Variants in SLC16A10 observed in about 807,000 individuals in gnomAD.
SLC16A10 encodes solute carrier family 16 member 10, also known as monocarboxylate transporter 10.
Under a neutral mutation model 40.0 loss-of-function variants are expected in SLC16A10, and 27 were observed. That is an observed-to-expected ratio of 0.67 (90% CI 0.50 to 0.93). SLC16A10 has a LOEUF of 0.93. Among genes scored for constraint, SLC16A10 ranks in the 40% least tolerant of loss-of-function variants. The pLI, the probability that SLC16A10 is intolerant of heterozygous loss-of-function variation, is 0.00. For missense variants in SLC16A10, 529 were observed against 658.2 expected, an observed-to-expected ratio of 0.80 and a Z score of 2.15; for synonymous variants, 213 against 249.8, an observed-to-expected ratio of 0.85 and a Z score of 1.39.
At chr6:111,108,046 G>T (rs1285726958) in intron 1 of SLC16A10, among the ~76,000 whole-genome samples, 2 of 150,390 alleles carry the variant, frequency 1.3e-5, no homozygotes, top group Non-Finnish European at 3.0e-5. Flanking sequence ...TTTAGTTGGA[G>T]TCTTACTTTG....
intron 4 of SLC16A10, among the ~76,000 whole-genome samples, chr6:111,208,761 G>A (rs1311737544): frequency 6.6e-6 from 1 of 152,190 alleles, no homozygotes; most frequent in African/African-American, 2.4e-5. Context: ...GTAGGGGCTA[G>A]GGAAAGGAGG....
intron 1 of SLC16A10, among the ~76,000 whole-genome samples, chr6:111,163,816 T>A (rs1432502456): frequency 6.6e-6 from 1 of 152,178 alleles, no homozygotes; most frequent in African/African-American, 2.4e-5. Flanking sequence ...GACTCAAAAA[T>A]TTTTAAAAAG....
At chr6:111,182,921 T>G (rs566156789) in intron 3 of SLC16A10, among the ~76,000 whole-genome samples, 7 of 152,290 alleles carry the variant, frequency 4.6e-5, no homozygotes, top group Admixed American at 2.6e-4. Flanking sequence ...TACTCATACC[T>G]TAGCCCAGGC....
chr6:111,198,366 T>G (rs1773113812), intron 3 of SLC16A10, among the ~76,000 whole-genome samples: 1 of 152,252 alleles, frequency 6.6e-6, no homozygotes, highest in African/African-American at 2.4e-5. Context: ...TTGTTCACTT[T>G]GGACTATTTT....
intron 1 of SLC16A10, among the ~76,000 whole-genome samples, chr6:111,100,156 CTATT>C (rs1184808312): frequency 6.6e-6 from 1 of 151,834 alleles, no homozygotes; most frequent in Non-Finnish European, 1.5e-5. Context: ...TTAGATTAGT[CTATT>C]TATGGGTCAC....
intron 1 of SLC16A10, among the ~76,000 whole-genome samples, chr6:111,151,858 C>A (rs748395970): frequency 3.1e-4 from 47 of 152,302 alleles, no homozygotes; most frequent in African/African-American, 1.1e-3. Context: ...TTGGGTGTTA[C>A]CCTGAGGAAA....
Position 111,147,768 on chromosome 6 carries a change from C to T in SLC16A10, c.344-24927C>T, listed in dbSNP as rs143854036. On this transcript the variant is annotated intron_variant, in intron 1 of 5. Coordinates refer to ENST00000368851, the MANE Select transcript of SLC16A10 (RefSeq NM_018593.5). ...AACTTTATGGCAGTTAGGTGAAATC[C>T]CTTTTTGTTTTGTGGACATAGAACA... is the stretch of plus-strand genomic sequence containing the variant. 9.7e-4 allele frequency among the ~76,000 whole-genome samples: 148 copies of T among 152,234 alleles called. No homozygotes were observed. The East Asian group carries it at 0.023, about 24-fold the overall frequency.
At chr6:111,215,795 G>A (rs1481027514) in intron 4 of SLC16A10, among the ~76,000 whole-genome samples, 7 of 152,140 alleles carry the variant, frequency 4.6e-5, no homozygotes, top group Non-Finnish European at 7.3e-5. Flanking sequence ...GTTTGAGCCC[G>A]GGAGTTCAAG....
chr6:111,102,205 G>A (rs1771203611), intron 1 of SLC16A10, among the ~76,000 whole-genome samples: 1 of 152,146 alleles, frequency 6.6e-6, no homozygotes, highest in Admixed American at 6.5e-5. Context: ...CCAGAAGTGA[G>A]ATTACTGGTT....
chr6:111,208,071 CA>C (rs1247995925), intron 4 of SLC16A10, among the ~76,000 whole-genome samples: 2 of 152,078 alleles, frequency 1.3e-5, no homozygotes, highest in African/African-American at 4.8e-5. Flanking sequence ...CGGGCTCAAG[CA>C]ATCCTCCCAC....
At chr6:111,173,039 T>C (rs1344518332) in intron 2 of SLC16A10, among the ~76,000 whole-genome samples, 200 bp downstream of exon 2, 3 of 152,210 alleles carry the variant, frequency 2.0e-5, no homozygotes, top group African/African-American at 7.2e-5. Flanking sequence ...TTTCTTGTAA[T>C]GCCTAAGACT....
chr6:111,199,010 A>G (rs1773122926), intron 3 of SLC16A10, among the ~76,000 whole-genome samples: 1 of 152,220 alleles, frequency 6.6e-6, no homozygotes, highest in Non-Finnish European at 1.5e-5. Context: ...TCATGCAGGT[A>G]GGCTGCCAAC....
chr6:111,098,298 C>T (rs1418348920), intron 1 of SLC16A10, among the ~76,000 whole-genome samples: 1 of 151,950 alleles, frequency 6.6e-6, no homozygotes, highest in Non-Finnish European at 1.5e-5. Context: ...AAGAGTGAAA[C>T]TCAGTCTCAA....
intron 4 of SLC16A10, among the ~76,000 whole-genome samples, chr6:111,216,877 C>A (rs1773434788): frequency 6.6e-6 from 1 of 152,140 alleles, no homozygotes; most frequent in Non-Finnish European, 1.5e-5. Flanking sequence ...TGTCAGTGGA[C>A]CACTTGTGTT....
chr6:111,135,279 T>C (rs1771857140), intron 1 of SLC16A10, among the ~76,000 whole-genome samples: 1 of 152,158 alleles, frequency 6.6e-6, no homozygotes, highest in Non-Finnish European at 1.5e-5. Context: ...TAAAGGATTC[T>C]GCCTCCTTTC....
Position 111,223,320 on chromosome 6 carries a change from A to C in SLC16A10, c.*1085A>C, listed in dbSNP as rs1399131203. 3 of 152,010 alleles carry C rather than the reference A, an allele frequency of 2.0e-5. No homozygotes were observed. Among genetic ancestry groups the C allele is most frequent in the Admixed American group, 2.0e-4 (3 of 15,258 alleles). 9.4% of individuals were successfully genotyped at this position (152,010 alleles called of 1,614,324 possible). A position where few individuals can be genotyped will look rare whatever the true frequency, so the allele number is the denominator to read the frequency against. On this transcript the variant is annotated 3_prime_UTR_variant, in exon 6 of 6. Transcript: ENST00000368851. ...TCTGGCAAAAATTTGCACTCATATTATTTATCCTATGAACATTCCCATTGT... is the reference window on the plus strand; with the variant it reads ...TCTGGCAAAAATTTGCACTCATATTCTTTATCCTATGAACATTCCCATTGT...
chr6:111,198,469 TAG>T (rs1773115547), intron 3 of SLC16A10, among the ~76,000 whole-genome samples: 1 of 152,164 alleles, frequency 6.6e-6, no homozygotes, highest in Non-Finnish European at 1.5e-5. Context: ...GCAAACATCA[TAG>T]AGTGTACTTA....
rs573922116 is a variant in SLC16A10 at position 111,127,164 on chromosome 6, G to A, written c.343+39069G>A. Reference sequence around the variant, plus strand: ...ACCTGGTAGGGTGCTTACTCTGATGGAATTTACATTTTAGTGGTAGAAATG... The same window carrying A: ...ACCTGGTAGGGTGCTTACTCTGATGAAATTTACATTTTAGTGGTAGAAATG... On this transcript the variant is annotated intron_variant, in intron 1 of 5. Transcript: ENST00000368851. Among the ~76,000 whole-genome samples the A allele has an allele frequency of 1.4e-4, 22 of 152,304 alleles. No individual in the cohort carries two copies. In the South Asian group the frequency reaches 4.4e-3, roughly 30 times the overall value.
intron 1 of SLC16A10, among the ~76,000 whole-genome samples, chr6:111,098,661 TTAATAAAA>T (rs1417478105): frequency 6.6e-6 from 1 of 152,258 alleles, no homozygotes; most frequent in East Asian, 1.9e-4. Flanking sequence ...ACTGTTTTTA[TTAATAAAA>T]ACCTTTTCAT....
Sources: allele counts gnomAD v4.1 joint callset (sites outside exome capture counted in the v4.1 genomes callset), GRCh38; gene constraint gnomAD v4.1.1; transcripts MANE v1.5; gene names NCBI Gene and HGNC (gene_info 2026-07-23, HGNC 2026-07-21).